FHIT: variants seen among roughly 807,000 people sequenced by gnomAD.
The protein encoded by FHIT is fragile histidine triad diadenosine triphosphatase, also known as bis(5'-adenosyl)-triphosphatase.
Under a neutral mutation model 17.9 loss-of-function variants are expected in FHIT, and 19 were observed. The ratio of observed to expected loss-of-function variants is 1.06; its 90% CI spans 0.74 to 1.56. FHIT has a LOEUF of 1.56. FHIT is among the 40% of genes most tolerant of loss of function. The pLI, the probability that FHIT is intolerant of heterozygous loss-of-function variation, is 0.00. For missense variants in FHIT, 248 were observed against 189.2 expected (o/e 1.31, Z -1.82); for synonymous variants, 81 against 69.7 (o/e 1.16, Z -0.81).
intron 3 of FHIT, among the ~76,000 whole-genome samples, chr3:60,893,483 A>C (rs1457943559): frequency 6.6e-6 from 1 of 152,192 alleles, no homozygotes; most frequent in Non-Finnish European, 1.5e-5. Flanking sequence ...ACAAATATAT[A>C]TTTATTAAAG....
chr3:59,872,621 G>A (rs542525211), intron 8 of FHIT, among the ~76,000 whole-genome samples: 1 of 152,138 alleles, frequency 6.6e-6, no homozygotes, highest in African/African-American at 2.4e-5. Flanking sequence ...ATTTTGAATG[G>A]ATATATAGTT....
At chr3:60,374,861 G>GC (rs562356751) in intron 5 of FHIT, among the ~76,000 whole-genome samples, 2 of 151,978 alleles carry the variant, frequency 1.3e-5, no homozygotes, top group Non-Finnish European at 2.9e-5. Context: ...CACTGAACCA[G>GC]CCCTTGCAGT....
At chr3:60,158,575 G>C (rs1700806200) in intron 5 of FHIT, among the ~76,000 whole-genome samples, 2 of 152,160 alleles carry the variant, frequency 1.3e-5, no homozygotes, top group Non-Finnish European at 2.9e-5. Flanking sequence ...GCCTTGCAAA[G>C]TGCTGGGATT....
intron 7 of FHIT, among the ~76,000 whole-genome samples, chr3:59,929,989 G>T (rs11715441): frequency 0.16 from 24,783 of 151,950 alleles, 2,314 homozygotes; most frequent in Middle Eastern, 0.26. Context: ...AAGGAAAGGA[G>T]GCCAATATAG....
intron 5 of FHIT, among the ~76,000 whole-genome samples, chr3:60,118,404 G>A (rs9847443): frequency 0.27 from 40,991 of 151,300 alleles, 6,347 homozygotes; most frequent in Non-Finnish European, 0.36. Flanking sequence ...CACTGCACCC[G>A]GCCCTGTTTT....
intron 3 of FHIT, among the ~76,000 whole-genome samples, chr3:60,955,633 T>TATATATATATATACACAC (rs1272864632): frequency 8.6e-4 from 34 of 39,482 alleles, no homozygotes; most frequent in African/African-American, 2.1e-3. Flanking sequence ...TATATATATA[T>TATATATATATATACACAC]ACACACACAC....
chr3:59,919,230 T>C (rs753591435), intron 8 of FHIT, among the ~76,000 whole-genome samples: 1 of 152,168 alleles, frequency 6.6e-6, no homozygotes. Context: ...CTTGAAGAAT[T>C]GTGGCCATGT....
intron 4 of FHIT, among the ~76,000 whole-genome samples, chr3:60,754,941 G>C (rs921064212): frequency 1.3e-4 from 20 of 152,170 alleles, no homozygotes; most frequent in African/African-American, 4.8e-4. Context: ...GGTTGCAAGA[G>C]AGTAAGAGTC....
intron 4 of FHIT, among the ~76,000 whole-genome samples, chr3:60,662,365 T>C (rs2040277770): frequency 6.6e-6 from 1 of 152,194 alleles, no homozygotes; most frequent in African/African-American, 2.4e-5. Context: ...TTTGGCTTTA[T>C]TTCTGGGTTC....
intron 5 of FHIT, among the ~76,000 whole-genome samples, chr3:60,531,812 G>T (rs990606138): frequency 6.6e-6 from 1 of 152,138 alleles, no homozygotes; most frequent in South Asian, 2.1e-4. Flanking sequence ...CATGGTAACG[G>T]TCTGAAAACG....
intron 5 of FHIT, among the ~76,000 whole-genome samples, chr3:60,514,939 G>C (rs2107551127): frequency 6.6e-6 from 1 of 151,944 alleles, no homozygotes; most frequent in Admixed American, 6.6e-5. Flanking sequence ...CTGGTGGGAA[G>C]CCAGGCTGTA....
chr3:60,198,027 C>A (rs549847307), intron 5 of FHIT, among the ~76,000 whole-genome samples: 1 of 152,256 alleles, frequency 6.6e-6, no homozygotes, highest in South Asian at 2.1e-4. Flanking sequence ...AATGCATATG[C>A]CTCACAGGCA....
chr3:60,549,425 C>T (rs1484213725), intron 4 of FHIT, among the ~76,000 whole-genome samples: 1 of 152,178 alleles, frequency 6.6e-6, no homozygotes, highest in Non-Finnish European at 1.5e-5. Flanking sequence ...CATACACCAA[C>T]ATATCAACAT....
intron 4 of FHIT, among the ~76,000 whole-genome samples, chr3:60,587,957 CTTT>C (rs143677265): frequency 2.0e-5 from 3 of 149,192 alleles, no homozygotes; most frequent in African/African-American, 7.4e-5. Flanking sequence ...GCCCCTTCTC[CTTT>C]TTTTTTTCCC....
chr3:60,017,159 T>A (rs1700373743), intron 5 of FHIT, among the ~76,000 whole-genome samples: 1 of 152,138 alleles, frequency 6.6e-6, no homozygotes, highest in Non-Finnish European at 1.5e-5. Context: ...CATTCCCTAG[T>A]CACTCTGTTC....
At chr3:60,629,321 T>G (rs2039380065) in intron 4 of FHIT, among the ~76,000 whole-genome samples, 1 of 152,182 alleles carries the variant, frequency 6.6e-6, no homozygotes, top group African/African-American at 2.4e-5. Flanking sequence ...CAGACTCTCA[T>G]GTTCTTAGGG....
At chr3:60,643,127 A>G (rs1553685789) in intron 4 of FHIT, among the ~76,000 whole-genome samples, 1 of 152,118 alleles carries the variant, frequency 6.6e-6, no homozygotes, top group East Asian at 1.9e-4. Flanking sequence ...TAGGCACCCA[A>G]CTATTGTCGA....
At chr3:60,954,786 C>G (rs1428211268) in intron 3 of FHIT, among the ~76,000 whole-genome samples, 3 of 152,100 alleles carry the variant, frequency 2.0e-5, no homozygotes, top group Non-Finnish European at 2.9e-5. Context: ...TTAGGGAAGG[C>G]AAATATGAAG....
intron 3 of FHIT, among the ~76,000 whole-genome samples, chr3:60,836,411 A>C (rs1553743838): frequency 6.6e-6 from 1 of 152,078 alleles, no homozygotes; most frequent in Non-Finnish European, 1.5e-5. Context: ...CTAAATATTT[A>C]TTTTCAGGGA....
Sources: allele counts gnomAD v4.1 joint callset (sites outside exome capture counted in the v4.1 genomes callset), GRCh38; gene constraint gnomAD v4.1.1; transcripts MANE v1.5; gene names NCBI Gene and HGNC (gene_info 2026-07-23, HGNC 2026-07-21).